Variants in FRMPD2 observed in about 807,000 individuals in gnomAD.
The protein encoded by FRMPD2 is FERM and PDZ domain containing 2, also known as FERM and PDZ domain-containing protein 2.
A neutral mutation model predicts 140.1 loss-of-function variants in FRMPD2; 96 were observed. That is an observed-to-expected ratio of 0.69 (90% confidence interval 0.58 to 0.81). The LOEUF is 0.81. FRMPD2 is among the 40% of genes least tolerant of loss of function. FRMPD2 has a pLI of 0.00. For missense variants in FRMPD2, 1,240 were observed against 1,447.4 expected, an observed-to-expected ratio of 0.86 and a Z score of 2.32; for synonymous variants, 449 against 547.6, an observed-to-expected ratio of 0.82 and a Z score of 2.52.
At chr10:48,271,197 C>G (rs1173144861) in intron 1 of FRMPD2, among the ~76,000 whole-genome samples, 1 of 152,144 alleles carries the variant, frequency 6.6e-6, no homozygotes, top group Non-Finnish European at 1.5e-5. Flanking sequence ...CACCACAACC[C>G]CCTTGCCTCC....
intron 20 of FRMPD2, among the ~76,000 whole-genome samples, chr10:48,181,285 C>T (rs1166902687): frequency 6.6e-6 from 1 of 152,286 alleles, no homozygotes; most frequent in Non-Finnish European, 1.5e-5. Flanking sequence ...CCTTATTAAG[C>T]TCTAGCCATG....
intron 1 of FRMPD2, among the ~76,000 whole-genome samples, chr10:48,266,542 A>T (rs889590626): frequency 6.6e-6 from 1 of 152,254 alleles, no homozygotes; most frequent in Non-Finnish European, 1.5e-5. Context: ...ACCAATACAT[A>T]TACATTTAAC....
In FRMPD2 at chr10:48,202,927, A is replaced by C. The variant is rs144462192; in HGVS notation, c.1798-1543T>G. ...GCAATCCTCGCACCTCAGCCTCCCA[A>C]GTAGTTGGGACCACAGTGAGGCACC... On this transcript the variant is annotated intron_variant, in intron 14 of 28. Transcript: ENST00000374201. Among the ~76,000 whole-genome samples the C allele has an allele frequency of 5.7e-3, 871 of 152,094 alleles. 8 individuals are homozygous for C. Among genetic ancestry groups the C allele is most frequent in the African/African-American group, 0.02 (825 of 41,484 alleles).
chr10:48,188,637 C>T (rs891702653), intron 16 of FRMPD2, among the ~76,000 whole-genome samples: 12 of 152,268 alleles, frequency 7.9e-5, no homozygotes, highest in African/African-American at 2.6e-4. Context: ...GGAGAGGCTG[C>T]GACAGGGCGC....
intron 1 of FRMPD2, among the ~76,000 whole-genome samples, chr10:48,258,519 C>T (rs1840526234): frequency 6.6e-6 from 1 of 152,214 alleles, no homozygotes; most frequent in African/African-American, 2.4e-5. Context: ...GAGATGCTGA[C>T]TCCTACCTTA....
At chr10:48,259,369 G>A (rs1342202643) in intron 1 of FRMPD2, among the ~76,000 whole-genome samples, 1 of 152,142 alleles carries the variant, frequency 6.6e-6, no homozygotes, top group Non-Finnish European at 1.5e-5. Flanking sequence ...TTAAATTTCT[G>A]CAAAAGTGGA....
At chr10:48,188,680 G>A (rs930865062) in intron 16 of FRMPD2, among the ~76,000 whole-genome samples, 4 of 152,208 alleles carry the variant, frequency 2.6e-5, no homozygotes, top group African/African-American at 9.7e-5. Context: ...AATCCCCACA[G>A]TCTGGGAGGA....
chr10:48,183,397 C>T (rs1838597209), intron 20 of FRMPD2, among the ~76,000 whole-genome samples: 1 of 152,122 alleles, frequency 6.6e-6, no homozygotes, highest in African/African-American at 2.4e-5. Context: ...AAGCTTGGTC[C>T]CGATAAAAAC....
At chr10:48,185,501 C>T in intron 18 of FRMPD2, 52 bp downstream of exon 18, 1 of 1,269,240 alleles carries the variant, frequency 7.9e-7, no homozygotes, top group Non-Finnish European at 1.2e-6. Flanking sequence ...ACCCACCTCC[C>T]CACTTTGCCC....
chr10:48,254,062 TA>T (rs112690019), intron 1 of FRMPD2, among the ~76,000 whole-genome samples: 1,496 of 143,048 alleles, frequency 0.01, 10 homozygotes, highest in African/African-American at 0.025. Flanking sequence ...CCCTTTCAAT[TA>T]AAAAAAAAAA....
chr10:48,244,078 G>A (rs752769808), intron 4 of FRMPD2, among the ~76,000 whole-genome samples: 1 of 152,314 alleles, frequency 6.6e-6, no homozygotes, highest in South Asian at 2.1e-4. Flanking sequence ...CCGGCCCCCG[G>A]GGTTTAAGCG....
At chr10:48,192,931 A>G (rs775606969) in intron 15 of FRMPD2, 37 bp from the exon 16 acceptor site, 11 of 1,458,840 alleles carry the variant, frequency 7.5e-6, no homozygotes, top group Non-Finnish European at 1.9e-6. Flanking sequence ...ATACACACAC[A>G]CAAGAATGAT....
intron 27 of FRMPD2, among the ~76,000 whole-genome samples, chr10:48,167,774 G>C (rs1260223469): frequency 8.8e-4 from 134 of 152,174 alleles, no homozygotes; most frequent in African/African-American, 3.0e-3. Flanking sequence ...TTTTTTTTTA[G>C]ATGTGATTTG....
At chr10:48,254,145 G>A (rs280605) in intron 1 of FRMPD2, among the ~76,000 whole-genome samples, 2 of 151,952 alleles carry the variant, frequency 1.3e-5, no homozygotes, top group South Asian at 2.1e-4. Context: ...TCCAGTTTTC[G>A]GCACCAACTC....
intron 16 of FRMPD2, 150 bp from the exon 17 acceptor site, chr10:48,187,442 G>A: frequency 1.6e-6 from 1 of 634,868 alleles, no homozygotes; most frequent in Non-Finnish European, 2.8e-6. Context: ...TCATCCAGCA[G>A]CTCCTCAGAG....
chr10:48,212,576 GT>G (rs60658865), intron 12 of FRMPD2, among the ~76,000 whole-genome samples: 46,813 of 150,388 alleles, frequency 0.31, 9,161 homozygotes, highest in African/African-American at 0.55. Context: ...ACTCTATGTT[GT>G]TTTTTTTTTA....
intron 2 of FRMPD2, among the ~76,000 whole-genome samples, chr10:48,249,839 T>G (rs756641015): frequency 1.7e-4 from 25 of 150,638 alleles, no homozygotes; most frequent in Non-Finnish European, 2.5e-4. Flanking sequence ...AGCTTTCTCA[T>G]TAGAGGGCTC....
intron 22 of FRMPD2, chr10:48,177,839 C>T: frequency 6.8e-6 from 3 of 441,270 alleles, no homozygotes. Flanking sequence ...TCCCCTAGTG[C>T]ATGCCCTGCT....
intron 12 of FRMPD2, among the ~76,000 whole-genome samples, chr10:48,220,701 C>A (rs982912845): frequency 6.6e-6 from 1 of 152,152 alleles, no homozygotes; most frequent in Non-Finnish European, 1.5e-5. Context: ...CAACAAAGGA[C>A]TAATATCCAG....
Sources: allele counts gnomAD v4.1 joint callset (sites outside exome capture counted in the v4.1 genomes callset), GRCh38; gene constraint gnomAD v4.1.1; transcripts MANE v1.5; gene names NCBI Gene and HGNC (gene_info 2026-07-23, HGNC 2026-07-21).